KCND2: variants seen among roughly 807,000 people sequenced by gnomAD.
The protein encoded by KCND2 is potassium voltage-gated channel subfamily D member 2, also known as A-type voltage-gated potassium channel KCND2.
In KCND2, 16 loss-of-function variants were observed where a neutral mutation model predicts 54.4. The observed-to-expected ratio is 0.29, with a 90% CI of 0.20 to 0.45. The LOEUF is 0.45. Among genes scored for constraint, KCND2 ranks in the 20% least tolerant of loss-of-function variants. The pLI is 1.00. For missense variants in KCND2, 486 were observed against 824.2 expected, an observed-to-expected ratio of 0.59 and a Z score of 5.02; for synonymous variants, 317 against 310.7, an observed-to-expected ratio of 1.02 and a Z score of -0.21.
chr7:120,543,227 C>CT (rs1251002733), intron 1 of KCND2, among the ~76,000 whole-genome samples: 2 of 151,446 alleles, frequency 1.3e-5, no homozygotes, highest in African/African-American at 2.4e-5. Context: ...TGGTTTTGCC[C>CT]TTTTTTTTCA....
intron 1 of KCND2, among the ~76,000 whole-genome samples, chr7:120,469,686 G>A (rs767564076): frequency 3.3e-5 from 5 of 152,118 alleles, no homozygotes; most frequent in Admixed American, 2.0e-4. Context: ...CCTGGACTGT[G>A]ACTGTGAACT....
At chr7:120,466,603 TCTA>T (rs1247814716) in intron 1 of KCND2, among the ~76,000 whole-genome samples, 1 of 152,118 alleles carries the variant, frequency 6.6e-6, no homozygotes, top group African/African-American at 2.4e-5. Flanking sequence ...ATTGCCCCTC[TCTA>T]CAGCTCATTT....
chr7:120,382,196 A>G (rs1386024117), intron 1 of KCND2, among the ~76,000 whole-genome samples: 1 of 151,894 alleles, frequency 6.6e-6, no homozygotes, highest in Non-Finnish European at 1.5e-5. Context: ...AGAGGATCCA[A>G]TACTCTTCAA....
chr7:120,282,611 T>C (rs1389557316), intron 1 of KCND2, among the ~76,000 whole-genome samples: 1 of 152,086 alleles, frequency 6.6e-6, no homozygotes, highest in Non-Finnish European at 1.5e-5. Flanking sequence ...AAAAATAACA[T>C]TGAAAGAGTA....
intron 1 of KCND2, among the ~76,000 whole-genome samples, chr7:120,593,119 G>C (rs888063257): frequency 2.0e-5 from 3 of 152,038 alleles, no homozygotes; most frequent in African/African-American, 7.2e-5. Context: ...AGGTTCAAAA[G>C]GATTCTATGA....
intron 1 of KCND2, among the ~76,000 whole-genome samples, chr7:120,513,346 T>A (rs1283080681): frequency 6.6e-6 from 1 of 152,156 alleles, no homozygotes. Flanking sequence ...CATTTTATCA[T>A]TATTTTTCTT....
intron 1 of KCND2, among the ~76,000 whole-genome samples, chr7:120,360,961 T>C (rs1205245714): frequency 6.6e-6 from 1 of 152,142 alleles, no homozygotes; most frequent in Non-Finnish European, 1.5e-5. Context: ...AAAATACTTT[T>C]GCAGGCAATA....
chr7:120,537,574 G>A (rs545553571), intron 1 of KCND2, among the ~76,000 whole-genome samples: 1 of 152,322 alleles, frequency 6.6e-6, no homozygotes, highest in East Asian at 1.9e-4. Flanking sequence ...TTTAATAGAA[G>A]GTTGTTTCAT....
intron 1 of KCND2, among the ~76,000 whole-genome samples, chr7:120,334,156 G>C (rs577524391): frequency 6.6e-6 from 1 of 152,184 alleles, no homozygotes; most frequent in East Asian, 1.9e-4. Context: ...GGGTAACAGG[G>C]GTCTTGAATC....
chr7:120,639,090 G>A (rs1042796346), intron 1 of KCND2, among the ~76,000 whole-genome samples: 2 of 152,092 alleles, frequency 1.3e-5, no homozygotes, highest in African/African-American at 2.4e-5. Context: ...TCAAATGCTA[G>A]TGTGCACACA....
At chr7:120,578,593 G>T (rs1001537812) in intron 1 of KCND2, among the ~76,000 whole-genome samples, 1 of 152,076 alleles carries the variant, frequency 6.6e-6, no homozygotes, top group Non-Finnish European at 1.5e-5. Context: ...TTAGCCAGGC[G>T]CAGTGGTTCA....
At chr7:120,721,832 C>T (rs1792670033) in intron 1 of KCND2, among the ~76,000 whole-genome samples, 1 of 152,126 alleles carries the variant, frequency 6.6e-6, no homozygotes, top group Non-Finnish European at 1.5e-5. Context: ...TTGTAGCTCC[C>T]ATAATTCCCA....
At chr7:120,489,683 A>G (rs1469227868) in intron 1 of KCND2, among the ~76,000 whole-genome samples, 1 of 152,190 alleles carries the variant, frequency 6.6e-6, no homozygotes, top group African/African-American at 2.4e-5. Flanking sequence ...TCCTATCAAA[A>G]GCAGTGTTAA....
At chr7:120,571,004 G>A (rs185494134) in intron 1 of KCND2, among the ~76,000 whole-genome samples, 3 of 152,276 alleles carry the variant, frequency 2.0e-5, no homozygotes, top group Admixed American at 1.3e-4. Flanking sequence ...GACCCTGCAC[G>A]CTGCTCAAGT....
At chr7:120,657,333 A>G (rs2116554326) in intron 1 of KCND2, among the ~76,000 whole-genome samples, 1 of 152,302 alleles carries the variant, frequency 6.6e-6, no homozygotes, top group Non-Finnish European at 1.5e-5. Context: ...ACAGACGTGA[A>G]AACAGGCATT....
chr7:120,748,011 G>T lies in KCND2; in HGVS notation c.*153G>T. On this transcript the variant is annotated 3_prime_UTR_variant, in exon 6 of 6. Coordinates refer to ENST00000331113, the MANE Select transcript of KCND2 (RefSeq NM_012281.3). ...ACAAAGCTTCCAATCTTAAGGATGT[G>T]AATAAAACCACCAAATGGCATTTCT... 1 of 656,088 alleles carries T rather than the reference G, an allele frequency of 1.5e-6. No individual in the cohort carries two copies. Among genetic ancestry groups the T allele is most frequent in the African/African-American group, 1.8e-5 (1 of 54,876 alleles). The allele number at this position is 656,088 out of a possible 1,614,324, so 40.6% of individuals were successfully genotyped here.
At chr7:120,417,501 T>A (rs989453634) in intron 1 of KCND2, among the ~76,000 whole-genome samples, 1 of 152,210 alleles carries the variant, frequency 6.6e-6, no homozygotes, top group Non-Finnish European at 1.5e-5. Flanking sequence ...TTTGGTTGAC[T>A]GGTCTATTTT....
At chr7:120,425,617 T>G (rs1801696034) in intron 1 of KCND2, among the ~76,000 whole-genome samples, 1 of 152,238 alleles carries the variant, frequency 6.6e-6, no homozygotes, top group Non-Finnish European at 1.5e-5. Context: ...GGGTTTTCTC[T>G]GTAACTCAGT....
At chr7:120,662,489 A>G (rs764300288) in intron 1 of KCND2, among the ~76,000 whole-genome samples, 140 of 152,200 alleles carry the variant, frequency 9.2e-4, no homozygotes, top group Non-Finnish European at 1.6e-3. Context: ...TTGTGATGCA[A>G]TTCTACACAA....
Sources: allele counts gnomAD v4.1 joint callset (sites outside exome capture counted in the v4.1 genomes callset), GRCh38; gene constraint gnomAD v4.1.1; transcripts MANE v1.5; gene names NCBI Gene and HGNC (gene_info 2026-07-23, HGNC 2026-07-21).